Variants in ZHX2 observed in about 807,000 individuals in gnomAD.
ZHX2 encodes zinc fingers and homeoboxes 2.
ZHX2 carries 6 observed loss-of-function variants against 21.9 expected under a neutral mutation model. The ratio of observed to expected loss-of-function variants is 0.27; its 90% CI spans 0.15 to 0.54. ZHX2 has a LOEUF of 0.54. ZHX2 is among the 20% of genes least tolerant of loss of function. The probability of loss-of-function intolerance (pLI) is 0.95; values close to 1 mark genes in which losing one functional copy is unlikely to be tolerated. For missense variants in ZHX2, 908 were observed against 1,090.7 expected (o/e 0.83, Z 2.36); for synonymous variants, 434 against 437.1 (o/e 0.99, Z 0.09).
intron 2 of ZHX2, among the ~76,000 whole-genome samples, chr8:122,870,711 TAGG>T (rs1211147284): frequency 2.2e-5 from 3 of 134,320 alleles, no homozygotes; most frequent in African/African-American, 8.5e-5. Context: ...GCACTGCAGG[TAGG>T]AGAAGTCAAA....
At chr8:122,870,223 A>G (rs1249302537) in intron 2 of ZHX2, among the ~76,000 whole-genome samples, 1 of 152,154 alleles carries the variant, frequency 6.6e-6, no homozygotes, top group Non-Finnish European at 1.5e-5. Flanking sequence ...AATGAGGCAG[A>G]CTGCAGAGGC....
chr8:122,880,895 C>T (rs1377193808), intron 2 of ZHX2, among the ~76,000 whole-genome samples: 5 of 152,140 alleles, frequency 3.3e-5, no homozygotes, highest in Non-Finnish European at 7.3e-5. Flanking sequence ...GCTGCCCAAT[C>T]GCCCGATCAC....
intron 1 of ZHX2, among the ~76,000 whole-genome samples, chr8:122,861,439 A>G (rs1819164646): frequency 6.6e-6 from 1 of 152,182 alleles, no homozygotes; most frequent in South Asian, 2.1e-4. Context: ...TAAGTCAAGA[A>G]TGCCAGTTGT....
intron 1 of ZHX2, among the ~76,000 whole-genome samples, chr8:122,795,269 G>C (rs150705421): frequency 1.8e-4 from 27 of 152,326 alleles, no homozygotes; most frequent in African/African-American, 6.3e-4. Context: ...GGACTATTTT[G>C]TAACAGGAAG....
At chr8:122,931,815 C>A (rs1263905543) in intron 2 of ZHX2, among the ~76,000 whole-genome samples, 7 of 152,078 alleles carry the variant, frequency 4.6e-5, no homozygotes, top group African/African-American at 1.7e-4. Context: ...CTTTCTGGAG[C>A]ATTAATGAAT....
intron 2 of ZHX2, among the ~76,000 whole-genome samples, chr8:122,902,147 C>CAGGT (rs1554632709): frequency 6.6e-6 from 1 of 152,204 alleles, no homozygotes; most frequent in Non-Finnish European, 1.5e-5. Flanking sequence ...TGGAACAGAT[C>CAGGT]AGGTGGCTAA....
chr8:122,939,945 A>G (rs1011574183), intron 2 of ZHX2, among the ~76,000 whole-genome samples: 19 of 152,178 alleles, frequency 1.2e-4, no homozygotes, highest in Admixed American at 1.1e-3. Flanking sequence ...TTACTAATCA[A>G]AGTTATCCTG....
At chr8:122,932,378 G>A (rs142069964) in intron 2 of ZHX2, among the ~76,000 whole-genome samples, 5 of 152,304 alleles carry the variant, frequency 3.3e-5, no homozygotes, top group Admixed American at 1.3e-4. Context: ...AGGTATTGGC[G>A]GGCCGGCTCC....
chr8:122,807,441 A>G (rs1168820525), intron 1 of ZHX2, among the ~76,000 whole-genome samples: 1 of 152,244 alleles, frequency 6.6e-6, no homozygotes, highest in African/African-American at 2.4e-5. Context: ...TCAGCGTTAC[A>G]GGTAGAAATA....
chr8:122,855,726 G>C (rs1819009569), intron 1 of ZHX2, among the ~76,000 whole-genome samples: 1 of 152,108 alleles, frequency 6.6e-6, no homozygotes, highest in Admixed American at 6.5e-5. Flanking sequence ...ATTTTATTTA[G>C]ACCCAGAAGG....
chr8:122,788,179 C>G (rs116610358), intron 1 of ZHX2, among the ~76,000 whole-genome samples: 2,702 of 152,334 alleles, frequency 0.018, 80 homozygotes, highest in African/African-American at 0.062. Context: ...GTGCTAGGCA[C>G]TCTGCTAAAC....
chr8:122,873,031 C>T (rs1819478371), intron 2 of ZHX2, among the ~76,000 whole-genome samples: 1 of 152,230 alleles, frequency 6.6e-6, no homozygotes, highest in Non-Finnish European at 1.5e-5. Context: ...CCAAAGGGTG[C>T]ACGGTGCCAA....
At chr8:122,936,106 G>A (rs953093592) in intron 2 of ZHX2, among the ~76,000 whole-genome samples, 54 of 152,286 alleles carry the variant, frequency 3.5e-4, no homozygotes, top group Middle Eastern at 3.4e-3. Flanking sequence ...AAAAAACAAC[G>A]ATAGATCTGC....
At chr8:122,859,693 G>A (rs79808789) in intron 1 of ZHX2, among the ~76,000 whole-genome samples, 4,680 of 152,180 alleles carry the variant, frequency 0.031, 120 homozygotes, top group Non-Finnish European at 0.045. Context: ...CACAGGTGAG[G>A]AGCCTGTTAG....
chr8:122,799,209 T>C (rs1230372237), intron 1 of ZHX2, among the ~76,000 whole-genome samples: 1 of 152,160 alleles, frequency 6.6e-6, no homozygotes, highest in African/African-American at 2.4e-5. Flanking sequence ...TCACCACCTA[T>C]GGTGTGCAGG....
Position 122,951,429 on chromosome 8 carries a change from T to C in ZHX2, c.-82T>C, listed in dbSNP as rs1813106396. 1 of 1,290,018 alleles carries C rather than the reference T, an allele frequency of 7.8e-7. No individual in the cohort carries two copies. The highest frequency in any genetic ancestry group is 1.1e-6 in the Non-Finnish European group (1 of 942,204). The allele number at this position is 1,290,018 out of a possible 1,614,324, so 79.9% of individuals were successfully genotyped here. A position where few individuals can be genotyped will look rare whatever the true frequency, so the allele number is the denominator to read the frequency against. ...TTGAGGGGGAATAAAGCCAAAAGCC[T>C]TTCACCTTATTCGTTCCAAGAATCT... is the stretch of plus-strand genomic sequence containing the variant. On this transcript the variant is annotated 5_prime_UTR_variant, in exon 3 of 4. Transcript: ENST00000314393.
chr8:122,959,768 T>C (rs1019520496), intron 3 of ZHX2, among the ~76,000 whole-genome samples: 1 of 152,190 alleles, frequency 6.6e-6, no homozygotes, highest in African/African-American at 2.4e-5. Context: ...CTGGTGATGC[T>C]TCTCAGGGAC....
At chr8:122,950,286 A>G (rs867114264) in intron 2 of ZHX2, among the ~76,000 whole-genome samples, 4 of 152,212 alleles carry the variant, frequency 2.6e-5, no homozygotes, top group South Asian at 4.1e-4. Flanking sequence ...ACATGGATGA[A>G]GCTGGAAGCC....
In ZHX2 at chr8:122,953,925, A is replaced by G. The variant is rs781450828; in HGVS notation, c.2415A>G (p.Ser805=). The change falls in exon 3 of 4, where the codon TCA becomes TCG. Residue 805 remains serine, a synonymous_variant. Transcript: ENST00000314393. This position sits in a 1 kb window ranked among gnomAD's most constrained non-coding sequence, Gnocchi z 4.6. The part of the protein sequence containing the change: ...EVTVGEEDAI[S]DRSDSWSQAA... ...CGGTCGGGGAGGAGGATGCGATCTCAGATAGATCAGATAGCTGGAGTCAGG... is the reference window on the plus strand; with the variant it reads ...CGGTCGGGGAGGAGGATGCGATCTCGGATAGATCAGATAGCTGGAGTCAGG... The G allele has an allele frequency of 8.7e-6, 14 of 1,614,026 alleles. No individual in the cohort carries two copies. The highest frequency in any genetic ancestry group is 1.2e-5 in the Non-Finnish European group (14 of 1,180,014).
Sources: allele counts gnomAD v4.1 joint callset (sites outside exome capture counted in the v4.1 genomes callset), GRCh38; gene constraint gnomAD v4.1.1; non-coding constraint Gnocchi (gnomAD v3.1); transcripts MANE v1.5; gene names NCBI Gene and HGNC (gene_info 2026-07-23, HGNC 2026-07-21).